CPA3: variants seen among roughly 807,000 people sequenced by gnomAD.
The protein encoded by CPA3 is carboxypeptidase A3, also known as mast cell carboxypeptidase A.
CPA3 carries 52 observed loss-of-function variants against 55.8 expected under a neutral mutation model. The ratio of observed to expected loss-of-function variants is 0.93; its 90% CI spans 0.75 to 1.17. CPA3 has a LOEUF of 1.17. Ranked by LOEUF, CPA3 falls within the 50% of genes most tolerant of loss-of-function variation. The probability of loss-of-function intolerance (pLI) is 0.00; values close to 1 mark genes in which losing one functional copy is unlikely to be tolerated. For missense variants in CPA3, 547 were observed against 509.1 expected, an observed-to-expected ratio of 1.07 and a Z score of -0.72; for synonymous variants, 179 against 171.2, an observed-to-expected ratio of 1.05 and a Z score of -0.36.
intron 5 of CPA3, among the ~76,000 whole-genome samples, 157 bp from the exon 6 acceptor site, chr3:148,879,631 C>T (rs1485258008): frequency 6.6e-6 from 1 of 151,948 alleles, no homozygotes; most frequent in African/African-American, 2.4e-5. Flanking sequence ...AGGATATGTC[C>T]CATGGTCCCT....
intron 10 of CPA3, among the ~76,000 whole-genome samples, chr3:148,894,663 G>A (rs992616988): frequency 1.3e-5 from 2 of 148,644 alleles, no homozygotes; most frequent in Non-Finnish European, 3.0e-5. Context: ...CTATGCCATA[G>A]GAAGAATAGC....
Position 148,880,335 on chromosome 3 carries a change from C to T in CPA3, c.576+446C>T, listed in dbSNP as rs1254219. Among the ~76,000 whole-genome samples the T allele has an allele frequency of 7.6e-4, 104 of 136,228 alleles. 2 individuals are homozygous for T. The highest frequency in any genetic ancestry group is 2.8e-3 in the African/African-American group (95 of 34,068). 89.4% of individuals were successfully genotyped at this position (136,228 alleles called of 152,430 possible). A position where few individuals can be genotyped will look rare whatever the true frequency, so the allele number is the denominator to read the frequency against. The stretch of plus-strand genomic sequence containing the variant: ...TGAGTGAAAAATAACTCACTTTTTT[C>T]TTTTTTTTTTTTTTGAGATGGAGTC... On this transcript the variant is annotated intron_variant, in intron 6 of 10. Transcript: ENST00000296046.
At chr3:148,878,621 T>A in intron 4 of CPA3, 26 bp from the exon 5 acceptor site, 1 of 1,579,104 alleles carries the variant, frequency 6.3e-7, no homozygotes, top group Non-Finnish European at 8.7e-7. Flanking sequence ...TTATTCTAAT[T>A]TCTCAAAATT....
intron 10 of CPA3, among the ~76,000 whole-genome samples, chr3:148,896,294 C>T (rs1714824834): frequency 6.6e-6 from 1 of 152,150 alleles, no homozygotes; most frequent in Non-Finnish European, 1.5e-5. Context: ...ACTACTCACC[C>T]AACCAAAATG....
At chr3:148,887,940 T>C (rs984526887) in intron 10 of CPA3, among the ~76,000 whole-genome samples, 1 of 152,196 alleles carries the variant, frequency 6.6e-6, no homozygotes, top group Non-Finnish European at 1.5e-5. Context: ...AGTACTGGAC[T>C]TGATTAAGCC....
intron 3 of CPA3, among the ~76,000 whole-genome samples, chr3:148,876,461 C>T (rs1236572730): frequency 1.3e-5 from 2 of 151,860 alleles, no homozygotes; most frequent in African/African-American, 4.8e-5. Context: ...ACTGCAACCT[C>T]CACCTCCTGG....
chr3:148,891,292 T>A (rs1345179014), intron 10 of CPA3, among the ~76,000 whole-genome samples: 1 of 152,066 alleles, frequency 6.6e-6, no homozygotes, highest in Non-Finnish European at 1.5e-5. Context: ...CACATGGAGA[T>A]AAAGAAAAGG....
chr3:148,890,208 A>G (rs1714633461), intron 10 of CPA3, among the ~76,000 whole-genome samples: 1 of 152,208 alleles, frequency 6.6e-6, no homozygotes, highest in Admixed American at 6.5e-5. Context: ...AGTAAATAGT[A>G]ATGTTTAATG....
chr3:148,873,369 G>GCA (rs1468032562), intron 3 of CPA3, among the ~76,000 whole-genome samples: 1 of 117,514 alleles, frequency 8.5e-6, no homozygotes, highest in Non-Finnish European at 2.0e-5. Context: ...ATGCACGCGC[G>GCA]CACACGCGCA....
At chr3:148,895,698 T>G (rs1714806844) in intron 10 of CPA3, among the ~76,000 whole-genome samples, 1 of 152,226 alleles carries the variant, frequency 6.6e-6, no homozygotes. Context: ...ATCCCTTCTC[T>G]CTTTCATCGC....
At chr3:148,867,518 A>G (rs571055454) in intron 2 of CPA3, among the ~76,000 whole-genome samples, 1 of 152,336 alleles carries the variant, frequency 6.6e-6, no homozygotes, top group South Asian at 2.1e-4. Context: ...AAAGTTCACT[A>G]AGCTCTAAGC....
chr3:148,881,253 C>G (rs1714357874), intron 6 of CPA3, among the ~76,000 whole-genome samples: 1 of 152,112 alleles, frequency 6.6e-6, no homozygotes, highest in Non-Finnish European at 1.5e-5. Flanking sequence ...AAACATATCT[C>G]TCATGCTACA....
At chr3:148,887,954 A>C (rs908972901) in intron 10 of CPA3, among the ~76,000 whole-genome samples, 2 of 152,242 alleles carry the variant, frequency 1.3e-5, no homozygotes, top group Non-Finnish European at 2.9e-5. Flanking sequence ...TTAAGCCTGC[A>C]TCACTCTCTA....
Position 148,896,698 on chromosome 3 carries a change from T to C in CPA3, c.1245T>C (p.His415=). Residue 415 remains histidine, a synonymous_variant, in exon 11 of 11, where the codon CAT becomes CAC. Transcript: ENST00000296046. ...TTATTGCCAAGTATATCCTCAAGCA[T>C]ACTTCCTAAAGAACTGCCCTCTGTT... The part of the protein sequence containing the change: ...VKFIAKYILK[H]TS 6.6e-7 allele frequency: 1 copy of C among 1,524,058 alleles called. No homozygotes were observed. The highest frequency in any genetic ancestry group is 9.0e-7 in the Non-Finnish European group (1 of 1,115,722). The allele number at this position is 1,524,058 out of a possible 1,614,324, so 94.4% of individuals were successfully genotyped here.
chr3:148,874,374 C>T (rs909103608), intron 3 of CPA3, among the ~76,000 whole-genome samples: 4 of 152,174 alleles, frequency 2.6e-5, no homozygotes, highest in African/African-American at 9.7e-5. Flanking sequence ...TTCTCCACTT[C>T]TATTAATGCA....
chr3:148,885,497 G>A (rs188368323), intron 9 of CPA3, among the ~76,000 whole-genome samples: 591 of 135,070 alleles, frequency 4.4e-3, no homozygotes, highest in African/African-American at 0.016. Flanking sequence ...TACAACCTCC[G>A]ACTCCCTGGT....
chr3:148,873,480 G>A (rs1018921477), intron 3 of CPA3, among the ~76,000 whole-genome samples: 3 of 152,224 alleles, frequency 2.0e-5, no homozygotes, highest in Non-Finnish European at 4.4e-5. Context: ...CAAAGGATGG[G>A]AGCCTTGAAA....
intron 10 of CPA3, among the ~76,000 whole-genome samples, chr3:148,892,543 C>T (rs6792603): frequency 0.045 from 6,917 of 152,058 alleles, 214 homozygotes; most frequent in East Asian, 0.14. Flanking sequence ...GTCCCAGCTA[C>T]TCAAGAGGCC....
At chr3:148,867,968 T>C (rs1391050575) in intron 2 of CPA3, among the ~76,000 whole-genome samples, 1 of 152,222 alleles carries the variant, frequency 6.6e-6, no homozygotes, top group Admixed American at 6.5e-5. Flanking sequence ...AGATCTCGGC[T>C]CACTGCAACC....
Sources: gnomAD v4.1 joint callset for allele counts (sites outside exome capture counted in the v4.1 genomes callset) on GRCh38, gnomAD v4.1.1 for gene constraint, MANE v1.5 for transcripts, NCBI Gene and HGNC (gene_info 2026-07-23, HGNC 2026-07-21) for gene names.